Variants in DNAH7 observed in about 807,000 individuals in gnomAD.
DNAH7 encodes the protein dynein axonemal heavy chain 7, also known as axonemal beta dynein heavy chain 7.
In DNAH7, 397 loss-of-function variants were observed where a neutral mutation model predicts 444.6. The ratio of observed to expected loss-of-function variants is 0.89; its 90% CI spans 0.82 to 0.97. The LOEUF (loss-of-function observed/expected upper bound fraction) is 0.97. Among genes scored for constraint, DNAH7 ranks in the 50% least tolerant of loss-of-function variants. The pLI is 0.00. For missense variants in DNAH7, 4,902 were observed against 4,800.8 expected (o/e 1.02, Z -0.62); for synonymous variants, 1,636 against 1,624.4 (o/e 1.01, Z -0.17).
intron 54 of DNAH7, among the ~76,000 whole-genome samples, chr2:195,803,396 C>G (rs1030095564): frequency 6.6e-6 from 1 of 152,190 alleles, no homozygotes; most frequent in South Asian, 2.1e-4. Flanking sequence ...GTTAGGGGTG[C>G]TCACCTGAGA....
intron 39 of DNAH7, 135 bp downstream of exon 39, chr2:195,873,433 G>T: frequency 1.9e-6 from 1 of 517,838 alleles, no homozygotes; most frequent in Non-Finnish European, 3.0e-6. Flanking sequence ...AGGAACAGAG[G>T]CAAACGATGT....
intron 13 of DNAH7, among the ~76,000 whole-genome samples, chr2:195,987,399 T>C (rs1430985852): frequency 2.6e-5 from 4 of 152,130 alleles, no homozygotes; most frequent in Non-Finnish European, 4.4e-5. Flanking sequence ...AAAAGTTTAT[T>C]ATCTTGGAAG....
At chr2:195,893,769 T>C (rs1018557741) in intron 30 of DNAH7, 2 of 152,340 alleles carry the variant, frequency 1.3e-5, no homozygotes, top group East Asian at 1.9e-4. Context: ...ATAATCACAA[T>C]GTCACCCTTA....
At chr2:195,845,993 C>T (rs990763097) in intron 46 of DNAH7, among the ~76,000 whole-genome samples, 4 of 152,260 alleles carry the variant, frequency 2.6e-5, no homozygotes, top group South Asian at 2.1e-4. Context: ...GCAACAAAAA[C>T]GAAAATTGAC....
intron 31 of DNAH7, among the ~76,000 whole-genome samples, chr2:195,890,715 C>T (rs1701963924): frequency 6.6e-6 from 1 of 152,092 alleles, no homozygotes; most frequent in Non-Finnish European, 1.5e-5. Context: ...AAGATCTCTG[C>T]CCCATGAGAG....
chr2:195,814,995 G>T (rs1188952640), intron 51 of DNAH7, among the ~76,000 whole-genome samples: 1 of 151,456 alleles, frequency 6.6e-6, no homozygotes, highest in South Asian at 2.1e-4. Context: ...GCTCATCTTG[G>T]CCTCCCAAAG....
rs1413197804 is a variant in DNAH7 at position 195,867,664 on chromosome 2, T to C, written c.6634-2643A>G. On this transcript the variant is annotated intron_variant, in intron 40 of 64. Transcript: ENST00000312428. ...AACTAACTTGCTTATTCTGGATATA[T>C]GATATAAATGAATCATATCATAGGT... Among the ~76,000 whole-genome samples, 3 of 152,234 alleles carry C rather than the reference T, an allele frequency of 2.0e-5. No individual in the cohort carries two copies. In the East Asian group the frequency reaches 5.8e-4, roughly 29 times the overall value.
intron 17 of DNAH7, among the ~76,000 whole-genome samples, chr2:195,962,717 TA>T (rs995294711): frequency 2.0e-5 from 3 of 152,168 alleles, no homozygotes; most frequent in Non-Finnish European, 4.4e-5. Context: ...TATTTATTCT[TA>T]CTATTTTTTG....
intron 46 of DNAH7, 123 bp downstream of exon 46, chr2:195,853,220 T>C (rs1174770705): frequency 1.3e-6 from 1 of 792,008 alleles, no homozygotes; most frequent in Non-Finnish European, 1.8e-6. Flanking sequence ...GCAGAAATCA[T>C]GCAAAAATAC....
chr2:195,908,095 G>A (rs1288403373), intron 25 of DNAH7, among the ~76,000 whole-genome samples: 1 of 151,708 alleles, frequency 6.6e-6, no homozygotes, highest in South Asian at 2.1e-4. Context: ...CTAAATAAAA[G>A]AATGAAGACG....
chr2:195,798,701 G>A (rs1048091940), intron 55 of DNAH7, among the ~76,000 whole-genome samples: 2 of 151,576 alleles, frequency 1.3e-5, no homozygotes, highest in African/African-American at 4.9e-5. Context: ...CTGCAACCAC[G>A]CCCAGCTAAT....
At chr2:195,954,629 T>C (rs1208239438) in intron 19 of DNAH7, among the ~76,000 whole-genome samples, 3 of 152,232 alleles carry the variant, frequency 2.0e-5, no homozygotes, top group African/African-American at 7.2e-5. Context: ...GTTGAACTAG[T>C]TCACAGTCCC....
At chr2:195,814,441 T>C (rs571019443) in intron 51 of DNAH7, among the ~76,000 whole-genome samples, 66 of 152,310 alleles carry the variant, frequency 4.3e-4, no homozygotes, top group Non-Finnish European at 7.6e-4. Flanking sequence ...ACAAATTTCA[T>C]ACCTTGGATG....
At position 196,019,945 on chromosome 2, in the gene DNAH7, C is replaced by T. The variant is rs1332049405; in HGVS notation, c.744-650G>A. Among the ~76,000 whole-genome samples, 5 of 151,598 alleles carry T rather than the reference C, an allele frequency of 3.3e-5. No individual in the cohort carries two copies. The East Asian group carries it at 5.9e-4, about 18-fold the overall frequency. ...AAGACCAATCTCCCTCTCCCTCCCC[C>T]TCCTCCTCCCCCTTCTTCTTTCCCT... On this transcript the variant is annotated intron_variant, in intron 8 of 64. Coordinates refer to ENST00000312428, the MANE Select transcript of DNAH7 (RefSeq NM_018897.3).
chr2:195,965,434 T>C (rs1054105026), intron 17 of DNAH7, among the ~76,000 whole-genome samples: 2 of 152,224 alleles, frequency 1.3e-5, no homozygotes, highest in Admixed American at 6.5e-5. Flanking sequence ...TTTTCTTTTT[T>C]TGATGTGTCT....
chr2:195,778,638 A>AT (rs1695202564), intron 58 of DNAH7, among the ~76,000 whole-genome samples: 1 of 52,306 alleles, frequency 1.9e-5, no homozygotes, highest in East Asian at 6.2e-4. Context: ...AAAAATAAAT[A>AT]AATAAATATA....
At chr2:195,740,280 C>A (rs1692919668) in intron 64 of DNAH7, among the ~76,000 whole-genome samples, 1 of 152,118 alleles carries the variant, frequency 6.6e-6, no homozygotes, top group Non-Finnish European at 1.5e-5. Flanking sequence ...CCACTGCGCC[C>A]AGCCAGTGCT....
At chr2:196,059,709 AGAGG>A (rs923420262) in intron 1 of DNAH7, among the ~76,000 whole-genome samples, 19 of 152,182 alleles carry the variant, frequency 1.2e-4, no homozygotes, top group African/African-American at 4.6e-4. Context: ...CTTACATCAC[AGAGG>A]GAGACTTCCT....
chr2:196,011,761 A>G (rs1227253634), intron 10 of DNAH7, among the ~76,000 whole-genome samples: 1 of 152,096 alleles, frequency 6.6e-6, no homozygotes, highest in East Asian at 1.9e-4. Context: ...ATTTCTCAGC[A>G]AAAAAATAAT....
Sources: gnomAD v4.1 joint callset for allele counts (sites outside exome capture counted in the v4.1 genomes callset) on GRCh38, gnomAD v4.1.1 for gene constraint, MANE v1.5 for transcripts, NCBI Gene and HGNC (gene_info 2026-07-23, HGNC 2026-07-21) for gene names.